Variants in LYST observed in about 807,000 individuals in gnomAD.
LYST encodes lysosomal-trafficking regulator.
In LYST, 192 loss-of-function variants were observed where a neutral mutation model predicts 413.6. The ratio of observed to expected loss-of-function variants is 0.46; its 90% CI spans 0.41 to 0.52. The LOEUF (loss-of-function observed/expected upper bound fraction) is 0.52. Among genes scored for constraint, LYST ranks in the 20% least tolerant of loss-of-function variants. LYST has a pLI of 0.00. For synonymous variants in LYST, 1,525 were observed against 1,567.3 expected, an observed-to-expected ratio of 0.97 and a Z score of 0.64; for missense variants, 3,815 against 4,499.9, an observed-to-expected ratio of 0.85 and a Z score of 4.35.
At chr1:235,730,387 G>A (rs1057301916) in intron 36 of LYST, among the ~76,000 whole-genome samples, 1 of 152,038 alleles carries the variant, frequency 6.6e-6, no homozygotes, top group African/African-American at 2.4e-5. Context: ...AGTAAGAGCA[G>A]GAACTGGAAT....
Position 235,702,638 on chromosome 1 carries a change from G to C in LYST, c.10374+109C>G, listed in dbSNP as rs995666966. On this transcript the variant is annotated intron_variant, in intron 45 of 52. Transcript: ENST00000389793. ...TGCTGCACCTGTCTTGCACTGACTG[G>C]CACACAGCTTTAGGCCAGGACCATG... 6.6e-6 allele frequency: 6 copies of C among 908,848 alleles called. No homozygotes were observed. In the East Asian group the frequency reaches 7.3e-5, roughly 11 times the overall value. The allele number at this position is 908,848 out of a possible 1,614,324, so 56.3% of individuals were successfully genotyped here.
In LYST at chr1:235,809,511, A is replaced by C; in HGVS notation, c.1307T>G (p.Phe436Cys). Residue 436 changes from phenylalanine (F) to cysteine (C), a missense_variant, in exon 5 of 53, where the codon TTC becomes TGC. Physicochemically the swap from Phe to Cys is radical, Grantham distance 205. Transcript: ENST00000389793. This position sits in a 1 kb window ranked among gnomAD's most constrained non-coding sequence, Gnocchi z 4.0. ...FSQAMDLVQE[F>C]IQHHGFNLFE... ...TAAATTAAATCCATGATGCTGAATG[A>C]ATTCTTGAACCAAATCCATGGCTTG... The C allele has an allele frequency of 6.2e-7, 1 of 1,614,072 alleles. No homozygotes were observed. The highest frequency in any genetic ancestry group is 8.5e-7 in the Non-Finnish European group (1 of 1,179,968).
chr1:235,823,635 G>T (rs544449230), intron 3 of LYST, among the ~76,000 whole-genome samples: 24 of 152,326 alleles, frequency 1.6e-4, no homozygotes, highest in African/African-American at 5.8e-4. Context: ...CAAAAGCAAA[G>T]CAAAGTTCAG....
At chr1:235,767,442 G>A (rs1035509620) in intron 20 of LYST, among the ~76,000 whole-genome samples, 1 of 152,166 alleles carries the variant, frequency 6.6e-6, no homozygotes, top group South Asian at 2.1e-4. Flanking sequence ...ACTAAGACAG[G>A]AACATAGATC....
chr1:235,693,553 C>CT, intron 46 of LYST, 67 bp from the exon 47 acceptor site: 1 of 1,592,662 alleles, frequency 6.3e-7, no homozygotes, highest in Non-Finnish European at 8.6e-7. Context: ...CAGCCCAAAA[C>CT]TGGCAGATTA....
chr1:235,712,802 T>C, intron 42 of LYST: 1 of 984,756 alleles, frequency 1.0e-6, no homozygotes. Context: ...ATAGTCACTC[T>C]TTCGTTCATT....
chr1:235,804,178 A>C (rs1672556030), intron 7 of LYST, among the ~76,000 whole-genome samples: 1 of 152,216 alleles, frequency 6.6e-6, no homozygotes, highest in Non-Finnish European at 1.5e-5. Flanking sequence ...CTGAATTAGC[A>C]TTTAATACAC....
intron 48 of LYST, among the ~76,000 whole-genome samples, chr1:235,677,890 T>C (rs1293933947): frequency 1.3e-5 from 2 of 152,138 alleles, no homozygotes; most frequent in African/African-American, 4.8e-5. Flanking sequence ...ACATAAAAAT[T>C]TCCTATTTTA....
At chr1:235,806,830 A>G (rs920123702) in intron 5 of LYST, 58 bp from the exon 6 acceptor site, 46 of 1,085,416 alleles carry the variant, frequency 4.2e-5, no homozygotes, top group Non-Finnish European at 6.4e-5. Flanking sequence ...ATTTATAAAT[A>G]GGTACATATA....
At chr1:235,878,043 G>A (rs1681217612) in intron 1 of LYST, among the ~76,000 whole-genome samples, 1 of 152,126 alleles carries the variant, frequency 6.6e-6, no homozygotes, top group Non-Finnish European at 1.5e-5. Flanking sequence ...CTTTGAATTG[G>A]AAAGGGCCTC....
chr1:235,680,533 T>G (rs1659726597), intron 48 of LYST, among the ~76,000 whole-genome samples: 1 of 152,122 alleles, frequency 6.6e-6, no homozygotes, highest in South Asian at 2.1e-4. Flanking sequence ...CCCAAAGTGC[T>G]GGGATTACAG....
intron 48 of LYST, among the ~76,000 whole-genome samples, chr1:235,683,930 T>C (rs1310859827): frequency 6.6e-6 from 1 of 152,156 alleles, no homozygotes; most frequent in East Asian, 1.9e-4. Context: ...CAAAACAAAC[T>C]GATAAAACTA....
chr1:235,773,614 G>A (rs1668929138), intron 19 of LYST, among the ~76,000 whole-genome samples: 1 of 152,098 alleles, frequency 6.6e-6, no homozygotes, highest in Non-Finnish European at 1.5e-5. Context: ...GTAGAATGGT[G>A]GTTTCCAGGG....
At chr1:235,790,578 T>A (rs965172772) in intron 12 of LYST, among the ~76,000 whole-genome samples, 2 of 152,148 alleles carry the variant, frequency 1.3e-5, no homozygotes, top group South Asian at 2.1e-4. Context: ...TTCCACTGGA[T>A]GAGAAAGATT....
Position 235,827,538 on chromosome 1 carries a change from T to C in LYST, c.192+2688A>G, listed in dbSNP as rs141381162. On this transcript the variant is annotated intron_variant, in intron 3 of 52. Transcript: ENST00000389793. ...ATGTGTCTAGTGTTATGATTTCATC[T>C]TAAATGATAAAATATCATTCAATTA... 7.9e-4 allele frequency: 770 copies of C among 979,142 alleles called. 5 individuals carry two copies. In the African/African-American group the frequency reaches 0.012, roughly 16 times the overall value. 60.7% of individuals were successfully genotyped at this position (979,142 alleles called of 1,614,324 possible).
At chr1:235,665,035 C>G (rs960716859) in intron 50 of LYST, among the ~76,000 whole-genome samples, 3 of 152,134 alleles carry the variant, frequency 2.0e-5, no homozygotes, top group Admixed American at 6.5e-5. Context: ...CTCAAGTGAT[C>G]AGCCCACCTC....
At chr1:235,724,385 T>C (rs1321663533) in intron 38 of LYST, among the ~76,000 whole-genome samples, 1 of 152,200 alleles carries the variant, frequency 6.6e-6, no homozygotes, top group Non-Finnish European at 1.5e-5. Context: ...CTTTATTTTT[T>C]AGACTAGTTT....
chr1:235,714,484 A>G (rs917245821), intron 42 of LYST, among the ~76,000 whole-genome samples: 4 of 152,228 alleles, frequency 2.6e-5, no homozygotes, highest in Admixed American at 2.6e-4. Flanking sequence ...CATTCCTCCA[A>G]TAGGTTGTAC....
chr1:235,770,392 G>T, intron 19 of LYST, 95 bp from the exon 20 acceptor site: 1 of 1,070,586 alleles, frequency 9.3e-7, no homozygotes, highest in Non-Finnish European at 1.4e-6. Flanking sequence ...ATTTAACATT[G>T]TGTATATATT....
Sources: gnomAD v4.1 joint callset for allele counts (sites outside exome capture counted in the v4.1 genomes callset) on GRCh38, gnomAD v4.1.1 for gene constraint, Gnocchi (gnomAD v3.1) non-coding constraint, MANE v1.5 for transcripts, NCBI Gene and HGNC (gene_info 2026-07-23, HGNC 2026-07-21) for gene names.